DPP6: variants seen among roughly 807,000 people sequenced by gnomAD.
DPP6 encodes dipeptidyl peptidase like 6, also known as A-type potassium channel modulatory protein DPP6.
In DPP6, 69 loss-of-function variants were observed where a neutral mutation model predicts 122.6. That is an observed-to-expected ratio of 0.56 (90% CI 0.46 to 0.69). The LOEUF (loss-of-function observed/expected upper bound fraction) is 0.69, where lower values mean the gene tolerates loss of function less well. DPP6 is among the 30% of genes least tolerant of loss of function. DPP6 has a pLI of 0.00. For missense variants in DPP6, 928 were observed against 1,116.9 expected, an observed-to-expected ratio of 0.83 and a Z score of 2.41; for synonymous variants, 418 against 433.1, an observed-to-expected ratio of 0.97 and a Z score of 0.43.
rs976138845 is a variant in DPP6 at position 154,877,843 on chromosome 7, G to A, written c.2078+1743G>A. 2.0e-5 allele frequency among the ~76,000 whole-genome samples: 3 copies of A among 152,178 alleles called. No individual in the cohort carries two copies. Among genetic ancestry groups the A allele is most frequent in the African/African-American group, 7.2e-5 (3 of 41,456 alleles). On this transcript the variant is annotated intron_variant, in intron 20 of 25. Transcript: ENST00000377770. This position sits in a 1 kb window ranked among gnomAD's most constrained non-coding sequence, Gnocchi z 5.2. ...ACACCAGTGTGGGGCCAGCCCCTGA[G>A]CAGAGGATGTGGGGTGACAAGGGAA...
chr7:154,603,548 C>T (rs1266071487), intron 5 of DPP6, among the ~76,000 whole-genome samples: 1 of 106,070 alleles, frequency 9.4e-6, no homozygotes, highest in African/African-American at 2.9e-5. Context: ...CCCAGCTACT[C>T]GGGAGGCTGA....
intron 16 of DPP6, among the ~76,000 whole-genome samples, chr7:154,829,528 A>T (rs1341216540): frequency 6.6e-6 from 1 of 151,460 alleles, no homozygotes; most frequent in African/African-American, 2.4e-5. Flanking sequence ...GGAGAGAGGG[A>T]GGAAGGGAAA....
At chr7:154,117,141 C>A (rs1372787410) in intron 1 of DPP6, among the ~76,000 whole-genome samples, 3 of 151,846 alleles carry the variant, frequency 2.0e-5, no homozygotes, top group Non-Finnish European at 2.9e-5. Context: ...ATTTCATTTA[C>A]TAGATCTGAT....
intron 11 of DPP6, 136 bp from the exon 12 acceptor site, chr7:154,795,709 T>C: frequency 7.9e-7 from 1 of 1,263,656 alleles, no homozygotes; most frequent in South Asian, 1.4e-5. Context: ...GTGGCAGCTG[T>C]GCAATGCTTG....
chr7:154,854,349 G>A (rs1419444929), intron 17 of DPP6, among the ~76,000 whole-genome samples: 1 of 152,180 alleles, frequency 6.6e-6, no homozygotes, highest in African/African-American at 2.4e-5. Flanking sequence ...GGAGATTCAG[G>A]CTCAACTTTG....
intron 10 of DPP6, among the ~76,000 whole-genome samples, chr7:154,792,435 A>G (rs550737577): frequency 1.3e-5 from 2 of 152,410 alleles, no homozygotes; most frequent in South Asian, 4.1e-4. Flanking sequence ...GTTGAATTAT[A>G]TTTAAGGACA....
At chr7:154,654,755 T>C (rs1208615209) in intron 6 of DPP6, among the ~76,000 whole-genome samples, 1 of 152,058 alleles carries the variant, frequency 6.6e-6, no homozygotes, top group African/African-American at 2.4e-5. Context: ...TGATACACCA[T>C]AGAGTGTCTG....
intron 7 of DPP6, among the ~76,000 whole-genome samples, chr7:154,671,657 G>A (rs1838563342): frequency 6.6e-6 from 1 of 152,172 alleles, no homozygotes; most frequent in South Asian, 2.1e-4. Flanking sequence ...GTGTGTGCGT[G>A]TGCATGCACA....
At chr7:154,471,681 A>G (rs941779472) in intron 2 of DPP6, among the ~76,000 whole-genome samples, 1 of 152,116 alleles carries the variant, frequency 6.6e-6, no homozygotes, top group African/African-American at 2.4e-5. Flanking sequence ...ACAACCAAGA[A>G]CCACAAAGCA....
chr7:154,816,156 T>A (rs1044539230), intron 16 of DPP6, among the ~76,000 whole-genome samples: 8 of 152,166 alleles, frequency 5.3e-5, no homozygotes, highest in African/African-American at 1.9e-4. Flanking sequence ...CACACCCTCA[T>A]CCTGAAAATC....
chr7:154,216,413 G>T (rs1800000619), intron 1 of DPP6, among the ~76,000 whole-genome samples: 1 of 152,176 alleles, frequency 6.6e-6, no homozygotes, highest in Non-Finnish European at 1.5e-5. Context: ...ATAACATAGG[G>T]ATTTGGAAGA....
rs1158548494 is a variant in DPP6, at chr7:153,923,760, CA to C, written c.51+36048del. 2.8e-3 allele frequency among the ~76,000 whole-genome samples: 130 copies of C among 46,788 alleles called. 1 individual carries two copies. The highest frequency in any genetic ancestry group is 0.017 in the Middle Eastern group (1 of 60). The allele number at this position is 46,788 out of a possible 152,430, so 30.7% of individuals were successfully genotyped here. A position where few individuals can be genotyped will look rare whatever the true frequency, so the allele number is the denominator to read the frequency against. ...TGGGCAACAGAGCGAGACTCCATCT[CA>C]AAAAAAAAAAAAAAAAAAAAAGAAG... On this transcript the variant is annotated intron_variant, in intron 1 of 25. Transcript: ENST00000404039.
intron 1 of DPP6, among the ~76,000 whole-genome samples, chr7:153,977,571 A>G (rs1016478569): frequency 1.3e-5 from 2 of 151,472 alleles, no homozygotes; most frequent in African/African-American, 4.9e-5. Context: ...TACTTTTTTT[A>G]TTATACTTTA....
rs1395101857 is a variant in DPP6, at chr7:154,814,318, CT to C, written c.1666+7210del. Among the ~76,000 whole-genome samples, 11 of 152,246 alleles carry C rather than the reference CT, an allele frequency of 7.2e-5. No individual in the cohort carries two copies. In the East Asian group the frequency reaches 1.7e-3, roughly 24 times the overall value. ...CAATATCATTTTTCACATTTCCATG[CT>C]TTTGTCTTTGACTACCTGATAAACC... On this transcript the variant is annotated intron_variant, in intron 16 of 25. Transcript: ENST00000377770.
At chr7:154,530,701 C>T (rs181180028) in intron 3 of DPP6, among the ~76,000 whole-genome samples, 16 of 152,264 alleles carry the variant, frequency 1.1e-4, no homozygotes, top group African/African-American at 3.6e-4. Context: ...TGTATGTTCA[C>T]TGCAGCACTG....
At chr7:154,137,515 G>T (rs1795617171) in intron 1 of DPP6, among the ~76,000 whole-genome samples, 1 of 151,566 alleles carries the variant, frequency 6.6e-6, no homozygotes, top group Non-Finnish European at 1.5e-5. Context: ...TGAAGACAGG[G>T]TTACAGTGAG....
intron 1 of DPP6, among the ~76,000 whole-genome samples, chr7:154,408,211 C>T (rs1372178748): frequency 6.6e-6 from 1 of 151,980 alleles, no homozygotes; most frequent in African/African-American, 2.4e-5. Context: ...GTTACATGTT[C>T]CAAGAAAAAT....
At chr7:154,103,687 G>A (rs1253037638) in intron 1 of DPP6, among the ~76,000 whole-genome samples, 11 of 152,232 alleles carry the variant, frequency 7.2e-5, no homozygotes, top group Admixed American at 5.2e-4. Context: ...CCATCCCATC[G>A]GCTGCCAGTG....
chr7:153,819,488 T>C, the DPP6 span, among the ~76,000 whole-genome samples: 1 of 152,090 alleles, frequency 6.6e-6, no homozygotes, highest in African/African-American at 2.4e-5. Flanking sequence ...TGAAACGTCC[T>C]GCAGCTGTGG....
Sources: allele counts gnomAD v4.1 joint callset (sites outside exome capture counted in the v4.1 genomes callset), GRCh38; gene constraint gnomAD v4.1.1; non-coding constraint Gnocchi (gnomAD v3.1); transcripts MANE v1.5; gene names NCBI Gene and HGNC (gene_info 2026-07-23, HGNC 2026-07-21).